Variants in FOXP2 observed in about 807,000 individuals in gnomAD.
FOXP2 encodes forkhead box protein P2.
In FOXP2, 12 loss-of-function variants were observed where a neutral mutation model predicts 115.8. That is an observed-to-expected ratio of 0.10 (90% CI 0.07 to 0.17). The LOEUF is 0.17. FOXP2 is among the 10% of genes least tolerant of loss of function. The pLI is 1.00. For missense variants in FOXP2, 629 were observed against 843.5 expected, an observed-to-expected ratio of 0.75 and a Z score of 3.15; for synonymous variants, 328 against 297.7, an observed-to-expected ratio of 1.10 and a Z score of -1.05.
chr7:114,670,821 C>T (rs897744368), intron 16 of FOXP2, among the ~76,000 whole-genome samples: 2 of 151,956 alleles, frequency 1.3e-5, no homozygotes, highest in Admixed American at 1.3e-4. Flanking sequence ...TGGAGTGGCT[C>T]TGTATTTCAG....
At chr7:114,649,071 A>C (rs1231043144) in intron 8 of FOXP2, among the ~76,000 whole-genome samples, 1 of 152,054 alleles carries the variant, frequency 6.6e-6, no homozygotes, top group Non-Finnish European at 1.5e-5. Context: ...AGACCAGTAG[A>C]AGTAGAACAG....
intron 3 of FOXP2, among the ~76,000 whole-genome samples, chr7:114,545,223 C>T (rs1032756209): frequency 6.6e-6 from 1 of 152,060 alleles, no homozygotes; most frequent in Non-Finnish European, 1.5e-5. Flanking sequence ...GTTTTCCAAC[C>T]CTTGCAATGA....
chr7:114,553,073 A>T (rs1293004666), intron 3 of FOXP2, among the ~76,000 whole-genome samples: 2 of 104,678 alleles, frequency 1.9e-5, no homozygotes, highest in East Asian at 2.7e-4. Flanking sequence ...CTGTGAAATT[A>T]AAAAAAAACT....
chr7:114,518,775 G>A lies in FOXP2; in HGVS notation c.169-15842G>A, dbSNP rs542017475. The stretch of plus-strand genomic sequence containing the variant: ...CCCGCCTCGGCCTCCCAAAGTGCTG[G>A]GATTATGGGCATGAGCCACCATGCT... On this transcript the variant is annotated intron_variant, in intron 2 of 16. Transcript: ENST00000350908. Among the ~76,000 whole-genome samples, 281 of 152,194 alleles carry A rather than the reference G, an allele frequency of 1.8e-3. 1 individual carries two copies. The highest frequency in any genetic ancestry group is 6.2e-3 in the Admixed American group (94 of 15,272).
At chr7:114,403,406 A>G (rs770972054) in intron 2 of FOXP2, among the ~76,000 whole-genome samples, 3 of 152,338 alleles carry the variant, frequency 2.0e-5, no homozygotes, top group Admixed American at 6.5e-5. Context: ...TTTAAAAATT[A>G]TGTTCCCAGA....
At chr7:114,248,180 CAGAGAGAGAGAGAGAGAG>C (rs71314647) in intron 1 of FOXP2, among the ~76,000 whole-genome samples, 1 of 145,966 alleles carries the variant, frequency 6.9e-6, no homozygotes, top group Non-Finnish European at 1.5e-5. Flanking sequence ...AGCTTAAAAA[CAGAGAGAGAGAGAGAGAG>C]AGAGAGAGAG....
chr7:114,337,133 T>G (rs969840381), intron 2 of FOXP2, among the ~76,000 whole-genome samples: 2 of 151,544 alleles, frequency 1.3e-5, no homozygotes, highest in African/African-American at 2.4e-5. Context: ...GGCTGGCTTT[T>G]AATTCTTTGC....
chr7:114,241,401 G>T (rs1026996613), intron 1 of FOXP2, among the ~76,000 whole-genome samples: 1 of 151,998 alleles, frequency 6.6e-6, no homozygotes, highest in African/African-American at 2.4e-5. Flanking sequence ...GTAAGGAAAG[G>T]ATTGGCTATG....
intron 2 of FOXP2, among the ~76,000 whole-genome samples, chr7:114,449,883 A>G (rs1794996170): frequency 6.6e-6 from 1 of 152,154 alleles, no homozygotes; most frequent in South Asian, 2.1e-4. Context: ...AAATGAATCC[A>G]TATAAATGTC....
chr7:114,661,355 T>C (rs1039266282), intron 13 of FOXP2, among the ~76,000 whole-genome samples: 5 of 152,092 alleles, frequency 3.3e-5, no homozygotes, highest in Non-Finnish European at 7.4e-5. Context: ...TTTTGAGTAA[T>C]TACTCTAATA....
At chr7:114,532,531 G>T (rs917878378) in intron 2 of FOXP2, among the ~76,000 whole-genome samples, 1 of 151,798 alleles carries the variant, frequency 6.6e-6, no homozygotes, top group African/African-American at 2.4e-5. Flanking sequence ...TTCATAAATT[G>T]CTTTGTGATC....
chr7:114,518,048 G>T (rs1300069991), intron 2 of FOXP2, among the ~76,000 whole-genome samples: 2 of 151,768 alleles, frequency 1.3e-5, no homozygotes, highest in African/African-American at 2.4e-5. Flanking sequence ...CACCTCCTTG[G>T]TTATATTTAT....
chr7:114,284,075 T>C (rs1004997330), intron 1 of FOXP2, among the ~76,000 whole-genome samples: 1 of 151,998 alleles, frequency 6.6e-6, no homozygotes, highest in African/African-American at 2.4e-5. Flanking sequence ...GGTCTGGGAA[T>C]GTCTGAGTGA....
intron 2 of FOXP2, chr7:114,297,092 G>C: frequency 7.1e-6 from 3 of 423,118 alleles, no homozygotes; most frequent in Non-Finnish European, 9.5e-6. Context: ...TTATTTCAGG[G>C]AGAGGGCAGG....
At chr7:114,227,996 C>T (rs556474352) in intron 1 of FOXP2, among the ~76,000 whole-genome samples, 124 of 152,116 alleles carry the variant, frequency 8.2e-4, no homozygotes, top group African/African-American at 2.9e-3. Flanking sequence ...TTAGATAATA[C>T]CACTACTTTG....
At chr7:114,324,850 A>ATATGTTT (rs1221273516) in intron 2 of FOXP2, among the ~76,000 whole-genome samples, 1 of 151,836 alleles carries the variant, frequency 6.6e-6, no homozygotes, top group Non-Finnish European at 1.5e-5. Context: ...AAAGGGATTT[A>ATATGTTT]TATGTTTTAT....
chr7:114,120,698 ATG>A lies in FOXP2; in HGVS notation c.-247+32878_-247+32879del, dbSNP rs111628410. Among the ~76,000 whole-genome samples the A allele has an allele frequency of 3.6e-3, 538 of 149,218 alleles. 1 individual carries two copies. Among genetic ancestry groups the A allele is most frequent in the South Asian group, 0.014 (66 of 4,722 alleles). On this transcript the variant is annotated intron_variant, in intron 1 of 19. Coordinates refer to the FOXP2 transcript ENST00000635638. Reference sequence around the variant, plus strand: ...TGTGTGTGTGTGTGTGTGTATATGTATGTGTGTGTGTGTGTGTGTATATATAT... The same window carrying A: ...TGTGTGTGTGTGTGTGTGTATATGTATGTGTGTGTGTGTGTGTATATATAT...
At chr7:114,442,872 T>C (rs890338084) in intron 2 of FOXP2, among the ~76,000 whole-genome samples, 1 of 152,142 alleles carries the variant, frequency 6.6e-6, no homozygotes, top group Non-Finnish European at 1.5e-5. Context: ...TTTAATGTCA[T>C]CCAGATCAAA....
chr7:114,411,361 G>A (rs1024627944), upstream of FOXP2, among the ~76,000 whole-genome samples: 1 of 152,044 alleles, frequency 6.6e-6, no homozygotes, highest in African/African-American at 2.4e-5. Context: ...AAATACACCT[G>A]TAACTCAAAT....
Sources: allele counts gnomAD v4.1 joint callset (sites outside exome capture counted in the v4.1 genomes callset), GRCh38; gene constraint gnomAD v4.1.1; transcripts MANE v1.5; gene names NCBI Gene and HGNC (gene_info 2026-07-23, HGNC 2026-07-21).